Variants in PRKAR2B observed in about 807,000 individuals in gnomAD.
The protein encoded by PRKAR2B is protein kinase cAMP-dependent type II regulatory subunit beta.
PRKAR2B carries 14 observed loss-of-function variants against 49.9 expected under a neutral mutation model. That is an observed-to-expected ratio of 0.28 (90% CI 0.19 to 0.44). PRKAR2B has a LOEUF of 0.44. PRKAR2B is among the 20% of genes least tolerant of loss of function. PRKAR2B has a pLI of 1.00. For missense variants in PRKAR2B, 393 were observed against 537.9 expected (o/e 0.73, Z 2.67); for synonymous variants, 196 against 197.7 (o/e 0.99, Z 0.07).
intron 1 of PRKAR2B, among the ~76,000 whole-genome samples, chr7:107,046,375 C>A (rs1222896206): frequency 6.6e-6 from 1 of 152,168 alleles, no homozygotes; most frequent in Non-Finnish European, 1.5e-5. Context: ...TTAAAAGTGT[C>A]ATTTCATTTC....
chr7:107,045,276 G>T lies in PRKAR2B; in HGVS notation c.307+62G>T. 3 of 1,299,368 alleles carry T rather than the reference G, an allele frequency of 2.3e-6. No individual in the cohort carries two copies. The South Asian group carries it at 4.8e-5, about 21-fold the overall frequency. 80.5% of individuals were successfully genotyped at this position (1,299,368 alleles called of 1,614,324 possible). On this transcript the variant is annotated intron_variant, in intron 1 of 10. Coordinates refer to ENST00000265717, the MANE Select transcript of PRKAR2B (RefSeq NM_002736.3). ...CCCTCGCTGCCCCCCACCGCTCCCCGCTGTGCTCTCGGATCTTGCCGCTTT... is the reference window on the plus strand; with the variant it reads ...CCCTCGCTGCCCCCCACCGCTCCCCTCTGTGCTCTCGGATCTTGCCGCTTT...
chr7:107,130,251 G>A (rs1487284682), intron 4 of PRKAR2B, among the ~76,000 whole-genome samples: 1 of 152,156 alleles, frequency 6.6e-6, no homozygotes, highest in Admixed American at 6.5e-5. Context: ...TGTAATCCCA[G>A]CACTTTGGGA....
chr7:107,154,179 C>T (rs771620372), intron 8 of PRKAR2B, among the ~76,000 whole-genome samples: 6 of 152,072 alleles, frequency 3.9e-5, no homozygotes, highest in Non-Finnish European at 8.8e-5. Flanking sequence ...AATAACAAAG[C>T]AAAGAGCATG....
intron 4 of PRKAR2B, among the ~76,000 whole-genome samples, chr7:107,134,029 TTTG>T (rs958543600): frequency 2.6e-5 from 4 of 152,190 alleles, no homozygotes; most frequent in Non-Finnish European, 4.4e-5. Flanking sequence ...CCTGTTTTTT[TTTG>T]TTGTTGTTGT....
intron 1 of PRKAR2B, among the ~76,000 whole-genome samples, chr7:107,048,778 CT>C (rs1021973694): frequency 6.6e-6 from 1 of 152,150 alleles, no homozygotes; most frequent in Non-Finnish European, 1.5e-5. Context: ...TAATAGCTTT[CT>C]TTTCCCTCTC....
intron 2 of PRKAR2B, among the ~76,000 whole-genome samples, chr7:107,108,862 C>T (rs1464322265): frequency 6.6e-6 from 1 of 152,128 alleles, no homozygotes; most frequent in Non-Finnish European, 1.5e-5. Context: ...TGGGGCTCAC[C>T]CTGGGAGAGT....
chr7:107,097,499 C>A (rs143512434), intron 2 of PRKAR2B, among the ~76,000 whole-genome samples: 2,761 of 152,154 alleles, frequency 0.018, 34 homozygotes, highest in Admixed American at 0.033. Flanking sequence ...GAGCATTTAG[C>A]CCATTTACAT....
chr7:107,096,207 C>T (rs1263819416), intron 2 of PRKAR2B, among the ~76,000 whole-genome samples: 4 of 152,102 alleles, frequency 2.6e-5, no homozygotes, highest in East Asian at 3.9e-4. Flanking sequence ...TTTAGGGATT[C>T]GACTTTTTCC....
At chr7:107,116,933 GTA>G (rs1218388284) in intron 2 of PRKAR2B, among the ~76,000 whole-genome samples, 4 of 147,296 alleles carry the variant, frequency 2.7e-5, no homozygotes, top group East Asian at 2.0e-4. Context: ...ATGTATGTGT[GTA>G]TATATATGTG....
intron 7 of PRKAR2B, among the ~76,000 whole-genome samples, chr7:107,152,454 T>C (rs868841017): frequency 6.6e-6 from 1 of 152,202 alleles, no homozygotes; most frequent in African/African-American, 2.4e-5. Flanking sequence ...AGAGGTCTTC[T>C]CAATGAGACC....
chr7:107,063,500 T>G (rs766074345), intron 1 of PRKAR2B, among the ~76,000 whole-genome samples: 3 of 151,762 alleles, frequency 2.0e-5, no homozygotes, highest in Admixed American at 2.0e-4. Context: ...ATAAAACAGG[T>G]CTCTTTTGCC....
intron 4 of PRKAR2B, among the ~76,000 whole-genome samples, chr7:107,135,577 A>G (rs961870684): frequency 2.6e-5 from 4 of 152,190 alleles, no homozygotes; most frequent in Non-Finnish European, 5.9e-5. Flanking sequence ...TTATATCAGC[A>G]GTGAACAAGT....
At chr7:107,148,800 T>C (rs900513924) in intron 6 of PRKAR2B, among the ~76,000 whole-genome samples, 4 of 152,212 alleles carry the variant, frequency 2.6e-5, no homozygotes, top group African/African-American at 9.6e-5. Context: ...TTGGTCACTA[T>C]TAGCCTTAGG....
chr7:107,072,422 C>T (rs1386208059), intron 2 of PRKAR2B, among the ~76,000 whole-genome samples: 2 of 151,964 alleles, frequency 1.3e-5, no homozygotes, highest in Non-Finnish European at 1.5e-5. Context: ...AGGCACTGTG[C>T]TAAGCATTTT....
chr7:107,153,310 G>A (rs1796022750), intron 8 of PRKAR2B, 59 bp downstream of exon 8: 1 of 1,222,116 alleles, frequency 8.2e-7, no homozygotes, highest in South Asian at 1.6e-5. Context: ...TTCCTGTAGT[G>A]GTAGATCTTG....
In PRKAR2B at chr7:107,137,263, CAT is replaced by C. The variant is rs1368443578; in HGVS notation, c.481-3580_481-3579del. 3.9e-5 allele frequency among the ~76,000 whole-genome samples: 6 copies of C among 152,192 alleles called. No individual in the cohort carries two copies. The East Asian group carries it at 1.2e-3, about 29-fold the overall frequency. On this transcript the variant is annotated intron_variant, in intron 4 of 10. Transcript: ENST00000265717. Reference sequence around the variant, plus strand: ...GAACAGAAGATAACTGGTGTATTCTCATATAGGTCTTTTCTGTCACCTAAACG... The same window carrying C: ...GAACAGAAGATAACTGGTGTATTCTCATAGGTCTTTTCTGTCACCTAAACG...
intron 3 of PRKAR2B, among the ~76,000 whole-genome samples, chr7:107,124,930 C>A (rs1795457991): frequency 6.6e-6 from 1 of 152,006 alleles, no homozygotes; most frequent in African/African-American, 2.4e-5. Context: ...TCCTTTGCAA[C>A]TACTCAGTTC....
chr7:107,076,826 A>G (rs530243305), intron 2 of PRKAR2B, among the ~76,000 whole-genome samples: 2 of 152,228 alleles, frequency 1.3e-5, no homozygotes, highest in Admixed American at 6.5e-5. Context: ...TCACACACCT[A>G]CTGTGTAAAA....
At chr7:107,046,214 C>T (rs1278887683) in intron 1 of PRKAR2B, among the ~76,000 whole-genome samples, 2 of 152,188 alleles carry the variant, frequency 1.3e-5, no homozygotes, top group African/African-American at 2.4e-5. Context: ...ATTTTTATGG[C>T]AACCCAAGCT....
Sources: allele counts gnomAD v4.1 joint callset (sites outside exome capture counted in the v4.1 genomes callset), GRCh38; gene constraint gnomAD v4.1.1; transcripts MANE v1.5; gene names NCBI Gene and HGNC (gene_info 2026-07-23, HGNC 2026-07-21).